Variants in BCL2L11 observed in about 807,000 individuals in gnomAD.
The protein encoded by BCL2L11 is BCL2 like 11, also known as bcl-2-like protein 11.
A neutral mutation model predicts 20.6 loss-of-function variants in BCL2L11; 15 were observed. The ratio of observed to expected loss-of-function variants is 0.73; its 90% CI spans 0.49 to 1.12. The LOEUF is 1.12. BCL2L11 is among the 50% of genes most tolerant of loss of function. BCL2L11 has a pLI of 0.00. For missense variants in BCL2L11, 292 were observed against 260.9 expected (o/e 1.12, Z -0.82); for synonymous variants, 108 against 92.8 (o/e 1.16, Z -0.94).
chr2:111,152,847 G>A (rs1317652546), intron 3 of BCL2L11, among the ~76,000 whole-genome samples: 2 of 152,256 alleles, frequency 1.3e-5, no homozygotes, highest in East Asian at 3.9e-4. Flanking sequence ...GCAACCTATT[G>A]TTCCCATGCT....
chr2:111,150,369 A>G (rs1489345652), intron 3 of BCL2L11: 3 of 817,480 alleles, frequency 3.7e-6, no homozygotes, highest in Admixed American at 5.9e-5. Flanking sequence ...CAGCAAAGGA[A>G]TTTTATGAGC....
chr2:111,152,989 G>A (rs547979769), intron 3 of BCL2L11, among the ~76,000 whole-genome samples: 2 of 152,298 alleles, frequency 1.3e-5, no homozygotes, highest in South Asian at 4.1e-4. Flanking sequence ...TTTGTTAGTA[G>A]GCTGGGATAT....
intron 2 of BCL2L11, among the ~76,000 whole-genome samples, chr2:111,137,840 C>T (rs2075170583): frequency 6.6e-6 from 1 of 151,620 alleles, no homozygotes; most frequent in Non-Finnish European, 1.5e-5. Flanking sequence ...GCCTGTTGGC[C>T]TGATGTTAAG....
intron 3 of BCL2L11, among the ~76,000 whole-genome samples, chr2:111,162,429 C>T (rs2078676111): frequency 6.6e-6 from 1 of 152,218 alleles, no homozygotes; most frequent in Admixed American, 6.5e-5. Flanking sequence ...TTGAATACCC[C>T]ATATCCTTTA....
intron 2 of BCL2L11, among the ~76,000 whole-genome samples, chr2:111,125,938 T>A (rs1298800252): frequency 6.6e-6 from 1 of 152,172 alleles, no homozygotes; most frequent in African/African-American, 2.4e-5. Context: ...TACTATAACA[T>A]CCTTGCTTAC....
intron 2 of BCL2L11, among the ~76,000 whole-genome samples, chr2:111,141,718 G>C (rs1271186910): frequency 2.8e-5 from 4 of 142,608 alleles, no homozygotes; most frequent in African/African-American, 5.3e-5. Context: ...TTTTTTTTGA[G>C]ACGGAGTTTC....
intron 2 of BCL2L11, among the ~76,000 whole-genome samples, chr2:111,125,551 CT>C (rs2072396977): frequency 1.3e-5 from 2 of 152,224 alleles, no homozygotes; most frequent in South Asian, 4.1e-4. Context: ...AGAACAGACA[CT>C]GGAACAAAAT....
intron 3 of BCL2L11, among the ~76,000 whole-genome samples, chr2:111,160,060 T>C (rs1244940613): frequency 6.6e-6 from 1 of 152,256 alleles, no homozygotes; most frequent in African/African-American, 2.4e-5. Context: ...TTCTGGTTTA[T>C]GATAAATACT....
chr2:111,122,629 A>AGGGGAGGAG, intron 1 of BCL2L11: 1 of 983,726 alleles, frequency 1.0e-6, no homozygotes, highest in Non-Finnish European at 1.2e-6. Context: ...GCAGAGCGCG[A>AGGGGAGGAG]GGGGAGGAGC....
intron 2 of BCL2L11, among the ~76,000 whole-genome samples, chr2:111,130,462 T>C (rs190753551): frequency 1.8e-4 from 28 of 152,372 alleles, no homozygotes; most frequent in African/African-American, 6.5e-4. Flanking sequence ...GATTTTTGTG[T>C]GTTGGTCTTC....
Position 111,164,344 on chromosome 2 carries a change from G to T in BCL2L11, c.*113G>T. The T allele has an allele frequency of 1.3e-6, 1 of 772,740 alleles. No individual in the cohort carries two copies. 47.9% of individuals were successfully genotyped at this position (772,740 alleles called of 1,614,324 possible). A position where few individuals can be genotyped will look rare whatever the true frequency, so the allele number is the denominator to read the frequency against. ...ATTATGCAGCCAGCGGTTCTCTTGT[G>T]GAGGGGGCAGGTGACGTTTCAGAAG... is the stretch of plus-strand genomic sequence containing the variant. On this transcript the variant is annotated 3_prime_UTR_variant, in exon 4 of 4. Transcript: ENST00000393256.
At chr2:111,150,201 A>G (rs1559071010) in intron 3 of BCL2L11, 54 bp downstream of exon 3, 4 of 1,579,698 alleles carry the variant, frequency 2.5e-6, no homozygotes, top group Non-Finnish European at 2.6e-6. Flanking sequence ...CTTCCACACT[A>G]TATTTTTTTA....
intron 3 of BCL2L11, chr2:111,153,962 A>G (rs1041737431): frequency 4.2e-6 from 6 of 1,438,744 alleles, no homozygotes; most frequent in Non-Finnish European, 5.5e-6. Flanking sequence ...TGTCATTCCC[A>G]GGTGAACCTG....
intron 2 of BCL2L11, among the ~76,000 whole-genome samples, chr2:111,147,346 T>TCTCTCTCTCTCTCTCTCTCTCTCACA (rs760779894): frequency 1.3e-4 from 18 of 137,314 alleles, no homozygotes; most frequent in African/African-American, 5.2e-4. Context: ...TCTCTCTCTC[T>TCTCTCTCTCTCTCTCTCTCTCTCACA]CACACACACA....
intron 2 of BCL2L11, among the ~76,000 whole-genome samples, chr2:111,135,066 G>A (rs777301387): frequency 6.6e-6 from 1 of 152,026 alleles, no homozygotes; most frequent in Non-Finnish European, 1.5e-5. Flanking sequence ...GAAGTTTTCA[G>A]CCATTATGTC....
At chr2:111,139,101 G>A (rs2075387712) in intron 2 of BCL2L11, among the ~76,000 whole-genome samples, 1 of 152,006 alleles carries the variant, frequency 6.6e-6, no homozygotes, top group South Asian at 2.1e-4. Flanking sequence ...TAATCCCCTG[G>A]GTCCCAGAAC....
At chr2:111,137,449 G>C (rs2075095004) in intron 2 of BCL2L11, among the ~76,000 whole-genome samples, 1 of 152,080 alleles carries the variant, frequency 6.6e-6, no homozygotes, top group African/African-American at 2.4e-5. Flanking sequence ...TCCCTGCTCG[G>C]TCAATGGCTG....
chr2:111,158,061 C>T (rs1283377043), intron 3 of BCL2L11, among the ~76,000 whole-genome samples: 1 of 152,186 alleles, frequency 6.6e-6, no homozygotes, highest in Non-Finnish European at 1.5e-5. Context: ...CCTCTGACAC[C>T]TGAAAACAGC....
intron 2 of BCL2L11, among the ~76,000 whole-genome samples, chr2:111,139,910 C>T (rs1174189117): frequency 1.3e-5 from 2 of 152,232 alleles, no homozygotes; most frequent in East Asian, 1.9e-4. Context: ...GCTGCTGGCA[C>T]GCAGCTCTCC....
Sources: gnomAD v4.1 joint callset for allele counts (sites outside exome capture counted in the v4.1 genomes callset) on GRCh38, gnomAD v4.1.1 for gene constraint, MANE v1.5 for transcripts, NCBI Gene and HGNC (gene_info 2026-07-23, HGNC 2026-07-21) for gene names.